Variants in RNF17 observed in about 807,000 individuals in gnomAD.
The protein encoded by RNF17 is spermatogenesis associated 23.
In RNF17, 31 loss-of-function variants were observed where a neutral mutation model predicts 200.5. The ratio of observed to expected loss-of-function variants is 0.15; its 90% CI spans 0.12 to 0.21. The LOEUF (loss-of-function observed/expected upper bound fraction) is 0.21. RNF17 is among the 10% of genes least tolerant of loss of function. The probability of loss-of-function intolerance (pLI) is 1.00; values close to 1 mark genes in which losing one functional copy is unlikely to be tolerated. For synonymous variants in RNF17, 606 were observed against 637.8 expected, an observed-to-expected ratio of 0.95 and a Z score of 0.75; for missense variants, 1,628 against 1,905.1, an observed-to-expected ratio of 0.85 and a Z score of 2.71.
chr13:24,818,363 G>A (rs747892692), intron 15 of RNF17, among the ~76,000 whole-genome samples: 8 of 152,136 alleles, frequency 5.3e-5, no homozygotes, highest in Non-Finnish European at 1.0e-4. Flanking sequence ...TTTTACTATT[G>A]GCTAGAGTGT....
At chr13:24,826,248 C>A in intron 16 of RNF17, 1 of 238,528 alleles carries the variant, frequency 4.2e-6, no homozygotes, top group Non-Finnish European at 6.8e-6. Flanking sequence ...ATTGATTCAA[C>A]TTATGAAATA....
intron 22 of RNF17, among the ~76,000 whole-genome samples, chr13:24,848,669 A>T (rs1891515422): frequency 6.6e-6 from 1 of 152,198 alleles, no homozygotes; most frequent in South Asian, 2.1e-4. Flanking sequence ...TCTCAAAAAA[A>T]TAAATAAAAA....
At chr13:24,845,485 A>G (rs1891161743) in intron 22 of RNF17, among the ~76,000 whole-genome samples, 1 of 152,212 alleles carries the variant, frequency 6.6e-6, no homozygotes, top group Admixed American at 6.5e-5. Context: ...TAGTAAAACT[A>G]AAGACTACAC....
intron 3 of RNF17, among the ~76,000 whole-genome samples, chr13:24,778,055 A>T (rs930536212): frequency 6.6e-6 from 1 of 152,126 alleles, no homozygotes; most frequent in African/African-American, 2.4e-5. Context: ...TGAGCTTAGG[A>T]TTTTGAGACC....
rs866937998 is a variant in RNF17, at chr13:24,809,870, A to C, written c.2091+5441A>C. Among the ~76,000 whole-genome samples, 1,478 of 151,642 alleles carry C rather than the reference A, an allele frequency of 9.7e-3. 36 individuals carry two copies. The highest frequency in any genetic ancestry group is 0.033 in the African/African-American group (1,355 of 41,228). ...TGTTCTCGTTGGTTTCAAAGAACAT[A>C]TTTATTTCTGCCTTCATTTCGTTAT... On this transcript the variant is annotated intron_variant, in intron 15 of 35. Coordinates refer to ENST00000255324, the MANE Select transcript of RNF17 (RefSeq NM_031277.3).
At chr13:24,854,189 C>A in intron 25 of RNF17, 45 bp downstream of exon 25, 1 of 1,429,404 alleles carries the variant, frequency 7.0e-7, no homozygotes, top group Non-Finnish European at 9.6e-7. Flanking sequence ...CTAGTACGAA[C>A]GACAGGGATT....
At chr13:24,846,430 G>A (rs1334460276) in intron 22 of RNF17, among the ~76,000 whole-genome samples, 2 of 152,170 alleles carry the variant, frequency 1.3e-5, no homozygotes, top group African/African-American at 4.8e-5. Flanking sequence ...CAGAACAGTT[G>A]TTAACTTTTG....
chr13:24,878,340 T>C (rs1895081184), intron 34 of RNF17, among the ~76,000 whole-genome samples: 1 of 152,258 alleles, frequency 6.6e-6, no homozygotes, highest in African/African-American at 2.4e-5. Flanking sequence ...TAGATAGGTA[T>C]TTTTTCACTT....
chr13:24,773,676 C>T (rs929913817), intron 2 of RNF17, among the ~76,000 whole-genome samples: 5 of 152,314 alleles, frequency 3.3e-5, no homozygotes, highest in East Asian at 3.9e-4. Context: ...AACCTGTACA[C>T]GTACCCCTTG....
At chr13:24,764,082 G>A (rs1371120463), upstream of RNF17, 7 of 914,914 alleles carry the variant, frequency 7.7e-6, no homozygotes, top group Admixed American at 9.2e-5. Context: ...GCTTGGGGGC[G>A]GGCTTTAATC....
At chr13:24,863,513 A>T (rs1893313351) in intron 28 of RNF17, among the ~76,000 whole-genome samples, 1 of 152,284 alleles carries the variant, frequency 6.6e-6, no homozygotes, top group African/African-American at 2.4e-5. Flanking sequence ...GTGAGGTAAT[A>T]AGATCAACCT....
At chr13:24,752,664 C>A in the RNF17 span, among the ~76,000 whole-genome samples, 1 of 152,232 alleles carries the variant, frequency 6.6e-6, no homozygotes, top group Non-Finnish European at 1.5e-5. Context: ...CTGCGGCTGC[C>A]TCATCCTGCA....
intron 3 of RNF17, among the ~76,000 whole-genome samples, chr13:24,777,637 A>G (rs1346555124): frequency 6.6e-6 from 1 of 152,180 alleles, no homozygotes. Context: ...CTTCTTTTTA[A>G]TAGCTGGCAT....
chr13:24,888,568 C>T, the RNF17 span, among the ~76,000 whole-genome samples: 1 of 148,884 alleles, frequency 6.7e-6, no homozygotes, highest in African/African-American at 2.4e-5. Context: ...AGAGCATACT[C>T]TGCTGACAGT....
At chr13:24,887,471 G>A in the RNF17 span, among the ~76,000 whole-genome samples, 3 of 152,120 alleles carry the variant, frequency 2.0e-5, no homozygotes, top group Non-Finnish European at 4.4e-5. Flanking sequence ...GATTCTCATA[G>A]GAGCAAGAAC....
At chr13:24,806,622 AT>A (rs1885878989) in intron 15 of RNF17, among the ~76,000 whole-genome samples, 1 of 152,112 alleles carries the variant, frequency 6.6e-6, no homozygotes, top group Non-Finnish European at 1.5e-5. Context: ...GGTCACAGCA[AT>A]GTCTTCTTTT....
chr13:24,771,832 C>G (rs1316666278), intron 2 of RNF17, among the ~76,000 whole-genome samples: 2 of 151,956 alleles, frequency 1.3e-5, no homozygotes, highest in Non-Finnish European at 2.9e-5. Context: ...TGGAGAAACC[C>G]AATCTCTACT....
intron 25 of RNF17, among the ~76,000 whole-genome samples, chr13:24,857,828 G>A (rs1469406071): frequency 6.6e-6 from 1 of 152,198 alleles, no homozygotes; most frequent in African/African-American, 2.4e-5. Flanking sequence ...AGCCCAGGAG[G>A]TCAAGGCTGT....
chr13:24,833,442 G>C lies in RNF17; in HGVS notation c.2482+1464G>C, dbSNP rs527436750. Among the ~76,000 whole-genome samples the C allele has an allele frequency of 2.5e-3, 388 of 152,270 alleles. 6 individuals are homozygous for C. Among genetic ancestry groups the C allele is most frequent in the African/African-American group, 9.2e-3 (384 of 41,536 alleles). On this transcript the variant is annotated intron_variant, in intron 18 of 35. Transcript: ENST00000255324. ...CTCTGAAATGAACAAATGAATTAAA[G>C]ACCTCTTGGTCCTTGAACAGTCTCC...
Sources: allele counts gnomAD v4.1 joint callset (sites outside exome capture counted in the v4.1 genomes callset), GRCh38; gene constraint gnomAD v4.1.1; transcripts MANE v1.5; gene names NCBI Gene and HGNC (gene_info 2026-07-23, HGNC 2026-07-21).